The following TMCC1 variants were observed in gnomAD, a reference collection of about 807,000 sequenced individuals.
TMCC1 encodes transmembrane and coiled-coil domain family 1.
Under a neutral mutation model 52.4 loss-of-function variants are expected in TMCC1, and 15 were observed. The ratio of observed to expected loss-of-function variants is 0.29; its 90% CI spans 0.19 to 0.44. The LOEUF (loss-of-function observed/expected upper bound fraction) is 0.44. TMCC1 is among the 20% of genes least tolerant of loss of function. The probability of loss-of-function intolerance (pLI) is 1.00; values close to 1 mark genes in which losing one functional copy is unlikely to be tolerated. For missense variants in TMCC1, 503 were observed against 806.0 expected (o/e 0.62, Z 4.55); for synonymous variants, 279 against 301.9 (o/e 0.92, Z 0.79).
chr3:129,797,077 G>A (rs2056877895), intron 4 of TMCC1, among the ~76,000 whole-genome samples: 1 of 152,164 alleles, frequency 6.6e-6, no homozygotes, highest in South Asian at 2.1e-4. Flanking sequence ...TGTAATCCCA[G>A]CACTTTGGGA....
intron 4 of TMCC1, among the ~76,000 whole-genome samples, chr3:129,785,215 C>G (rs1033453122): frequency 6.6e-6 from 1 of 152,098 alleles, no homozygotes; most frequent in Non-Finnish European, 1.5e-5. Context: ...GTCTGAAATA[C>G]AGCAAGAAAT....
In TMCC1 at chr3:129,648,179, AG is replaced by A. The variant is rs2086131390; in HGVS notation, c.*3301del. On this transcript the variant is annotated 3_prime_UTR_variant, in exon 7 of 7. Coordinates refer to ENST00000393238, the MANE Select transcript of TMCC1 (RefSeq NM_001017395.5). ...TTACAATAATGTTTGGTTTTGTTTT[AG>A]TTGCATATTTTCCAAAGCTGAAAGG... The A allele has an allele frequency of 6.6e-6, 1 of 152,402 alleles. No homozygotes were observed. Among genetic ancestry groups the A allele is most frequent in the South Asian group, 2.1e-4 (1 of 4,830 alleles). The allele number at this position is 152,402 out of a possible 1,614,324, so 9.4% of individuals were successfully genotyped here.
Position 129,809,361 on chromosome 3 carries a change from A to G in TMCC1, c.576+18442T>C, listed in dbSNP as rs144518340. 1.3e-3 allele frequency among the ~76,000 whole-genome samples: 193 copies of G among 152,196 alleles called. 1 individual carries two copies. Among genetic ancestry groups the G allele is most frequent in the African/African-American group, 4.5e-3 (185 of 41,536 alleles). ...TTCACAAGCAAGTAAAATGTTTCAT[A>G]CTCCTAGTGTTGGAAAGCAGATATG... is the stretch of plus-strand genomic sequence containing the variant. On this transcript the variant is annotated intron_variant, in intron 4 of 6. Coordinates refer to ENST00000393238, the MANE Select transcript of TMCC1 (RefSeq NM_001017395.5).
chr3:129,778,344 G>A (rs2055211175), intron 4 of TMCC1, among the ~76,000 whole-genome samples: 2 of 152,146 alleles, frequency 1.3e-5, no homozygotes, highest in Admixed American at 1.3e-4. Flanking sequence ...GGTCAAAAGA[G>A]CATGAAATTA....
At chr3:129,772,497 C>T (rs1204837658) in intron 4 of TMCC1, among the ~76,000 whole-genome samples, 1 of 151,890 alleles carries the variant, frequency 6.6e-6, no homozygotes, top group Non-Finnish European at 1.5e-5. Context: ...AGGCAGATCA[C>T]AAGGTCAGGA....
chr3:129,796,441 G>A (rs538553164), intron 4 of TMCC1, among the ~76,000 whole-genome samples: 5 of 152,254 alleles, frequency 3.3e-5, no homozygotes, highest in Admixed American at 2.6e-4. Flanking sequence ...GCATCCACTG[G>A]GGGTCATGGA....
chr3:129,814,372 T>C (rs1412740649), intron 4 of TMCC1, among the ~76,000 whole-genome samples: 4 of 152,072 alleles, frequency 2.6e-5, no homozygotes, highest in Non-Finnish European at 5.9e-5. Flanking sequence ...GTTGTAAGCC[T>C]CATGGTAACC....
intron 4 of TMCC1, among the ~76,000 whole-genome samples, chr3:129,767,307 C>T (rs2054206803): frequency 6.7e-6 from 1 of 150,074 alleles, no homozygotes; most frequent in Non-Finnish European, 1.5e-5. Flanking sequence ...ATAATTTATC[C>T]ATTTAAAGTA....
intron 4 of TMCC1, among the ~76,000 whole-genome samples, chr3:129,797,559 C>T (rs1025761717): frequency 2.0e-5 from 3 of 152,002 alleles, no homozygotes; most frequent in South Asian, 2.1e-4. Flanking sequence ...CTGGGCAACA[C>T]GGTGAAACAC....
intron 4 of TMCC1, among the ~76,000 whole-genome samples, chr3:129,671,638 T>G (rs894677678): frequency 1.3e-4 from 20 of 152,246 alleles, no homozygotes; most frequent in African/African-American, 4.8e-4. Flanking sequence ...AAGTTGCATC[T>G]GCATTTCAAT....
intron 4 of TMCC1, among the ~76,000 whole-genome samples, chr3:129,715,356 C>T (rs139319424): frequency 1.7e-3 from 262 of 152,184 alleles, no homozygotes; most frequent in Non-Finnish European, 2.4e-3. Flanking sequence ...CAGGTGTTCA[C>T]GACCAGCCTG....
intron 5 of TMCC1, among the ~76,000 whole-genome samples, chr3:129,657,058 G>A (rs773735116): frequency 3.9e-5 from 6 of 152,080 alleles, no homozygotes; most frequent in Non-Finnish European, 7.4e-5. Context: ...TTTTAAAGCC[G>A]CATTCCAAAG....
intron 4 of TMCC1, among the ~76,000 whole-genome samples, chr3:129,794,900 C>T (rs986347166): frequency 1.4e-4 from 22 of 152,160 alleles, no homozygotes; most frequent in African/African-American, 5.3e-4. Flanking sequence ...CTTAGGTAAT[C>T]CTTTAAGGTG....
intron 5 of TMCC1, among the ~76,000 whole-genome samples, chr3:129,665,685 G>A (rs981801974): frequency 1.3e-5 from 2 of 152,204 alleles, no homozygotes; most frequent in East Asian, 1.9e-4. Flanking sequence ...TTTCGGGATT[G>A]AGCTTTGAAA....
At chr3:129,792,611 C>T (rs368372591) in intron 4 of TMCC1, among the ~76,000 whole-genome samples, 38 of 152,228 alleles carry the variant, frequency 2.5e-4, no homozygotes, top group African/African-American at 7.9e-4. Flanking sequence ...CATAACTATT[C>T]GGTTTCTCCT....
intron 1 of TMCC1, among the ~76,000 whole-genome samples, chr3:129,891,315 G>A (rs2061954672): frequency 6.6e-6 from 1 of 152,118 alleles, no homozygotes; most frequent in Non-Finnish European, 1.5e-5. Context: ...ACCTTGCCCC[G>A]TTTTATATGG....
intron 4 of TMCC1, among the ~76,000 whole-genome samples, chr3:129,753,251 A>G (rs189548068): frequency 6.6e-6 from 1 of 152,342 alleles, no homozygotes; most frequent in Admixed American, 6.5e-5. Flanking sequence ...AATGACTCAG[A>G]TTTTTATCTG....
rs1306646051 is a variant in TMCC1 at position 129,797,694 on chromosome 3, A to G, written c.576+30109T>C. On this transcript the variant is annotated intron_variant, in intron 4 of 6. Transcript: ENST00000393238. Reference sequence around the variant, plus strand: ...TGGGAGGTGGGAGCTGCAGTGAGCCAAGATCATGCCACTGCACTCCAGCCT... The same window carrying G: ...TGGGAGGTGGGAGCTGCAGTGAGCCGAGATCATGCCACTGCACTCCAGCCT... 2.0e-5 allele frequency among the ~76,000 whole-genome samples: 3 copies of G among 148,754 alleles called. No individual in the cohort carries two copies. The South Asian group carries it at 6.5e-4, about 32-fold the overall frequency.
chr3:129,888,534 G>A (rs916859884), intron 1 of TMCC1, among the ~76,000 whole-genome samples: 3 of 152,280 alleles, frequency 2.0e-5, no homozygotes, highest in East Asian at 1.9e-4. Context: ...TGAACCTTAA[G>A]AGCATCTTAT....
Sources: gnomAD v4.1 joint callset for allele counts (sites outside exome capture counted in the v4.1 genomes callset) on GRCh38, gnomAD v4.1.1 for gene constraint, MANE v1.5 for transcripts, NCBI Gene and HGNC (gene_info 2026-07-23, HGNC 2026-07-21) for gene names.